Variants in MASP2 observed in about 807,000 individuals in gnomAD.
MASP2 encodes mannan-binding lectin serine protease 2.
Under a neutral mutation model 57.1 loss-of-function variants are expected in MASP2, and 49 were observed. That is an observed-to-expected ratio of 0.86 (90% confidence interval 0.68 to 1.09). The LOEUF (loss-of-function observed/expected upper bound fraction) is 1.09, where lower values mean the gene tolerates loss of function less well. Among genes scored for constraint, MASP2 ranks in the 50% least tolerant of loss-of-function variants. The pLI is 0.00. For synonymous variants in MASP2, 379 were observed against 340.8 expected (o/e 1.11, Z -1.24); for missense variants, 900 against 874.8 (o/e 1.03, Z -0.36).
At chr1:11,041,608 T>A in intron 6 of MASP2, among the ~76,000 whole-genome samples, 1 of 142,086 alleles carries the variant, frequency 7.0e-6, no homozygotes, top group East Asian at 2.2e-4. Flanking sequence ...GGTGGATGGA[T>A]GGATGGATGG....
At chr1:11,028,329 T>C (rs1643775086) in intron 10 of MASP2, among the ~76,000 whole-genome samples, 1 of 152,188 alleles carries the variant, frequency 6.6e-6, no homozygotes, top group Admixed American at 6.5e-5. Flanking sequence ...ATTGTTTCTG[T>C]TTTCCTACTT....
At chr1:11,043,242 G>A in intron 5 of MASP2, 97 bp downstream of exon 5, 1 of 1,176,558 alleles carries the variant, frequency 8.5e-7, no homozygotes, top group Non-Finnish European at 1.2e-6. Context: ...CACCGAGGGT[G>A]ACGGGAACGT....
chr1:11,028,670 GTAAT>G (rs1643780664), intron 10 of MASP2, among the ~76,000 whole-genome samples: 1 of 150,378 alleles, frequency 6.6e-6, no homozygotes, highest in African/African-American at 2.5e-5. Context: ...TAACACAAGG[GTAAT>G]TAATATATTA....
chr1:11,033,959 ACACACACTCTCT>A (rs1385832269), intron 8 of MASP2, among the ~76,000 whole-genome samples: 3,807 of 28,590 alleles, frequency 0.13, 79 homozygotes, highest in Non-Finnish European at 0.16. Context: ...ACACACACAC[ACACACACTCTCT>A]CTCTCTCTCT....
intron 3 of MASP2, 110 bp from the exon 4 acceptor site, chr1:11,045,649 C>T (rs1268288340): frequency 2.3e-6 from 3 of 1,286,382 alleles, no homozygotes; most frequent in Admixed American, 2.3e-5. Context: ...GAGGAGGCCT[C>T]GTCCTGTCTA....
At chr1:11,036,431 G>T (rs930577917) in intron 7 of MASP2, among the ~76,000 whole-genome samples, 1 of 145,402 alleles carries the variant, frequency 6.9e-6, no homozygotes, top group African/African-American at 2.5e-5. Context: ...GTGAACCCGG[G>T]AAGCGGAGCT....
chr1:11,046,706 T>C lies in MASP2; in HGVS notation c.262A>G (p.Thr88Ala), dbSNP rs1280964340. 3 of 1,613,198 alleles carry C rather than the reference T, an allele frequency of 1.9e-6. No homozygotes were observed. In the South Asian group the frequency reaches 3.3e-5, roughly 18 times the overall value. ...TCTGTGCTCTCCTGCCCGCACAGCGTGGCCAGCACCTTGGCCCCCGAGCTC... is the reference window on the plus strand; with the variant it reads ...TCTGTGCTCTCCTGCCCGCACAGCGCGGCCAGCACCTTGGCCCCCGAGCTC... ...KLSSGAKVLA[T>A]LCGQESTDTE... Residue 88 changes from threonine to alanine, a missense_variant, in exon 3 of 11, where the codon ACG becomes GCG. Thr to Ala is a moderately conservative substitution (Grantham distance 58). Transcript: ENST00000400897.
rs1194790819 is a variant in MASP2 at position 11,045,552 on chromosome 1, C to T, written c.413-13G>A. On this transcript the variant is annotated splice_polypyrimidine_tract_variant and intron_variant, in intron 3 of 10. Transcript: ENST00000400897. ...CACTCGTCAATGTCTGGGGGAGAGG[C>T]AGGGCCAGGCAGGCCGTCAGGAGGG... 1 of 1,597,078 alleles carries T rather than the reference C, an allele frequency of 6.3e-7. No homozygotes were observed. The highest frequency in any genetic ancestry group is 8.5e-7 in the Non-Finnish European group (1 of 1,174,208).
chr1:11,033,965 A>ACACACACACACT (rs1445746544), intron 8 of MASP2, among the ~76,000 whole-genome samples: 5 of 15,474 alleles, frequency 3.2e-4, no homozygotes, highest in Admixed American at 8.1e-4. Flanking sequence ...ACACACACAC[A>ACACACACACACT]CTCTCTCTCT....
intron 6 of MASP2, among the ~76,000 whole-genome samples, chr1:11,040,139 G>A (rs1316596067): frequency 1.3e-5 from 2 of 152,012 alleles, no homozygotes; most frequent in Admixed American, 1.3e-4. Context: ...ATGGGTGGAT[G>A]GAAGGATGGG....
chr1:11,046,958 C>A lies in MASP2; in HGVS notation c.167G>T (p.Arg56Leu), dbSNP rs937409631. 6.4e-7 allele frequency: 1 copy of A among 1,566,436 alleles called. No homozygotes were observed. Among genetic ancestry groups the A allele is most frequent in the Non-Finnish European group, 8.7e-7 (1 of 1,155,328 alleles). ...RWTLTAPPGY[R>L]LRLYFTHFDL... The stretch of plus-strand genomic sequence containing the variant: ...GAAGTGGGTGAAGTAGAGGCGCAGG[C>A]GGTAGCCGGGGGGTGCAGTCAGGGT... The change falls in exon 2 of 11, where the codon CGC becomes CTC. Residue 56 changes from arginine to leucine, a missense_variant. Coordinates refer to ENST00000400897, the MANE Select transcript of MASP2 (RefSeq NM_006610.4).
intron 3 of MASP2, chr1:11,046,353 T>C (rs1006609101): frequency 1.6e-5 from 10 of 628,390 alleles, no homozygotes; most frequent in Non-Finnish European, 2.8e-5. Flanking sequence ...CTCAGATCCC[T>C]GGCTCAGAGT....
In MASP2 at chr1:11,030,919, C is replaced by A. The variant is rs1557667553; in HGVS notation, c.1088-37G>T. 3 of 1,597,482 alleles carry A rather than the reference C, an allele frequency of 1.9e-6. No individual in the cohort carries two copies. The South Asian group carries it at 3.4e-5, about 18-fold the overall frequency. ...GCATGGGAGGGAGGAATCCATTGATCATTTCAGTGCTAACTTTCCAAAGGT... is the reference window on the plus strand; with the variant it reads ...GCATGGGAGGGAGGAATCCATTGATAATTTCAGTGCTAACTTTCCAAAGGT... On this transcript the variant is annotated intron_variant, in intron 8 of 10. Transcript: ENST00000400897.
chr1:11,034,753 C>A, intron 8 of MASP2, 75 bp downstream of exon 8: 5 of 920,932 alleles, frequency 5.4e-6, no homozygotes, highest in Non-Finnish European at 6.4e-6. Flanking sequence ...ACCAGAGAAG[C>A]AATAGAAGCA....
intron 4 of MASP2, chr1:11,045,142 A>G (rs553071058): frequency 3.8e-5 from 28 of 745,732 alleles, no homozygotes; most frequent in Non-Finnish European, 5.4e-5. Flanking sequence ...CCGTGGCTAC[A>G]TGAGGGGTTC....
At position 11,027,494 on chromosome 1, in the gene MASP2, G is replaced by T. The variant is rs201886741; in HGVS notation, c.1452C>A (p.Ala484=). 1.9e-6 allele frequency: 3 copies of T among 1,614,084 alleles called. No homozygotes were observed. The highest frequency in any genetic ancestry group is 1.7e-6 in the Non-Finnish European group (2 of 1,180,014). Residue 484 remains alanine, a synonymous_variant, in exon 11 of 11, where the codon GCC becomes GCA. Coordinates refer to ENST00000400897, the MANE Select transcript of MASP2 (RefSeq NM_006610.4). ...YDNWVLTAAH[A]VYEQKHDASA... is the part of the protein sequence containing the mutation. ...ATGCATCATGTTTTTGCTCATAGACGGCATGAGCAGCTGTTAGGACCCAGT... is the reference window on the plus strand; with the variant it reads ...ATGCATCATGTTTTTGCTCATAGACTGCATGAGCAGCTGTTAGGACCCAGT...
At chr1:11,044,764 C>A in intron 4 of MASP2, 1 of 1,248,576 alleles carries the variant, frequency 8.0e-7, no homozygotes, top group Admixed American at 2.2e-5. Context: ...CGCCGCCTCC[C>A]GACCCTCCCA....
chr1:11,044,741 G>GCT (rs1363315723), intron 4 of MASP2: 16 of 1,437,366 alleles, frequency 1.1e-5, no homozygotes, highest in Middle Eastern at 2.5e-4. Context: ...GGTAGGCAGA[G>GCT]AGGAGCGCAC....
intron 9 of MASP2, 83 bp from the exon 10 acceptor site, chr1:11,030,333 T>C: frequency 1.1e-6 from 1 of 945,612 alleles, no homozygotes; most frequent in Non-Finnish European, 1.7e-6. Flanking sequence ...TTGAAAAATG[T>C]TGATTCTTGA....
Sources: gnomAD v4.1 joint callset for allele counts (sites outside exome capture counted in the v4.1 genomes callset) on GRCh38, gnomAD v4.1.1 for gene constraint, MANE v1.5 for transcripts, NCBI Gene and HGNC (gene_info 2026-07-23, HGNC 2026-07-21) for gene names.